ADAM9: variants seen among roughly 807,000 people sequenced by gnomAD.
ADAM9 encodes ADAM metallopeptidase domain 9, also known as disintegrin and metalloproteinase domain-containing protein 9.
ADAM9 carries 54 observed loss-of-function variants against 108.1 expected under a neutral mutation model. The ratio of observed to expected loss-of-function variants is 0.50; its 90% CI spans 0.40 to 0.63. The LOEUF (loss-of-function observed/expected upper bound fraction) is 0.63. Ranked by LOEUF, ADAM9 falls within the 20% of genes least tolerant of loss-of-function variation. ADAM9 has a pLI of 0.00. For synonymous variants in ADAM9, 316 were observed against 336.0 expected, an observed-to-expected ratio of 0.94 and a Z score of 0.65; for missense variants, 830 against 997.7, an observed-to-expected ratio of 0.83 and a Z score of 2.26.
intron 17 of ADAM9, 37 bp downstream of exon 17, chr8:39,082,758 A>G: frequency 6.4e-7 from 1 of 1,557,342 alleles, no homozygotes; most frequent in Non-Finnish European, 8.9e-7. Flanking sequence ...TCCTGAAAGT[A>G]GTGCTAAATA....
At chr8:39,020,155 G>A (rs1419029272) in intron 7 of ADAM9, among the ~76,000 whole-genome samples, 2 of 152,128 alleles carry the variant, frequency 1.3e-5, no homozygotes, top group Non-Finnish European at 2.9e-5. Flanking sequence ...CGTGGTGGCG[G>A]GCGCCTGTGA....
Position 39,023,408 on chromosome 8 carries a change from C to T in ADAM9, c.914+83C>T, listed in dbSNP as rs1373611026. The T allele has an allele frequency of 4.3e-6, 6 of 1,400,404 alleles. No individual in the cohort carries two copies. In the African/African-American group the frequency reaches 4.4e-5, roughly 10 times the overall value. 86.7% of individuals were successfully genotyped at this position (1,400,404 alleles called of 1,614,324 possible). A position where few individuals can be genotyped will look rare whatever the true frequency, so the allele number is the denominator to read the frequency against. On this transcript the variant is annotated intron_variant, in intron 9 of 21. Coordinates refer to ENST00000487273, the MANE Select transcript of ADAM9 (RefSeq NM_003816.3). ...TATTTTCTTGTATTAGAATTATATTCTCTTGAGGTTTTGGGGTATTCATTT... is the reference window on the plus strand; with the variant it reads ...TATTTTCTTGTATTAGAATTATATTTTCTTGAGGTTTTGGGGTATTCATTT...
chr8:39,088,816 A>G (rs1839256979), intron 18 of ADAM9, among the ~76,000 whole-genome samples: 1 of 152,222 alleles, frequency 6.6e-6, no homozygotes, highest in South Asian at 2.1e-4. Flanking sequence ...AAATGGGGAA[A>G]ATATTTCCAA....
Position 39,007,945 on chromosome 8 carries a change from A to G in ADAM9, c.157A>G (p.Arg53Gly). 6.2e-7 allele frequency: 1 copy of G among 1,610,658 alleles called. No individual in the cohort carries two copies. Among genetic ancestry groups the G allele is most frequent in the Non-Finnish European group, 8.5e-7 (1 of 1,177,728 alleles). ...YEIITPWRLT[R>G]ERREAPRPYS... ...AATTATAACTCCTTGGAGATTAACT[A>G]GAGAAAGAAGAGAAGCCCCTAGGCC... is the stretch of plus-strand genomic sequence containing the variant. The change falls in exon 2 of 22, where the codon AGA (arginine) becomes GGA (glycine). Residue 53 changes from arginine (R) to glycine (G), a missense_variant. Transcript: ENST00000487273.
In ADAM9 at chr8:39,019,048, GT is replaced by G. The variant is rs968079296; in HGVS notation, c.672+137del. On this transcript the variant is annotated intron_variant, in intron 7 of 21. Transcript: ENST00000487273. ...AAATAATGATTTTAAAACTAAAATG[GT>G]TTTTTTCCCTTAAACTTTATACCAC... 5 of 951,352 alleles carry G rather than the reference GT, an allele frequency of 5.3e-6. No individual in the cohort carries two copies. In the Admixed American group the frequency reaches 8.4e-5, roughly 16 times the overall value. 58.9% of individuals were successfully genotyped at this position (951,352 alleles called of 1,614,324 possible).
Position 39,099,951 on chromosome 8 carries a change from C to T in ADAM9, c.2299-1912C>T, listed in dbSNP as rs374890207. Among the ~76,000 whole-genome samples the T allele has an allele frequency of 1.2e-4, 17 of 139,302 alleles. No homozygotes were observed. In the East Asian group the frequency reaches 3.5e-3, roughly 29 times the overall value. 91.4% of individuals were successfully genotyped at this position (139,302 alleles called of 152,430 possible). On this transcript the variant is annotated intron_variant, in intron 20 of 21. Transcript: ENST00000487273. ...CTGGAGTGCAGTGGCATGATCTCGG[C>T]TCATTGCAACCACTGCCTCTCGGGT...
intron 20 of ADAM9, among the ~76,000 whole-genome samples, chr8:39,095,593 T>C (rs1839478209): frequency 6.6e-6 from 1 of 152,188 alleles, no homozygotes; most frequent in African/African-American, 2.4e-5. Context: ...TTGAGAAGAA[T>C]GTGTATTCTG....
intron 18 of ADAM9, among the ~76,000 whole-genome samples, chr8:39,083,690 A>G (rs1262845868): frequency 1.3e-5 from 2 of 152,108 alleles, no homozygotes; most frequent in African/African-American, 2.4e-5. Context: ...ATTTCCTTCT[A>G]TTGCTTTTCT....
intron 11 of ADAM9, among the ~76,000 whole-genome samples, chr8:39,033,953 A>G (rs972162687): frequency 3.9e-5 from 6 of 152,208 alleles, no homozygotes; most frequent in African/African-American, 1.4e-4. Context: ...GATCACATGT[A>G]TCCTGAGAAT....
intron 14 of ADAM9, among the ~76,000 whole-genome samples, chr8:39,060,666 T>C (rs1044285572): frequency 6.6e-6 from 1 of 152,250 alleles, no homozygotes; most frequent in Admixed American, 6.5e-5. Flanking sequence ...CGTGCAAATA[T>C]CTTGCCAGTG....
chr8:39,103,808 C>T lies in ADAM9; in HGVS notation c.*108C>T. The T allele has an allele frequency of 1.0e-6, 1 of 970,456 alleles. No individual in the cohort carries two copies. Among genetic ancestry groups the T allele is most frequent in the Non-Finnish European group, 1.6e-6 (1 of 617,598 alleles). The allele number at this position is 970,456 out of a possible 1,614,324, so 60.1% of individuals were successfully genotyped here. A position where few individuals can be genotyped will look rare whatever the true frequency, so the allele number is the denominator to read the frequency against. ...TTTCTGTTGCAACTATGAATGAAAA[C>T]AAAACACCACAAAACAGACTTCACT... On this transcript the variant is annotated 3_prime_UTR_variant, in exon 22 of 22. Transcript: ENST00000487273.
chr8:39,042,107 GTAC>G lies in ADAM9; in HGVS notation c.1294_1296del (p.Thr432del). On this transcript the variant is annotated inframe_deletion, in exon 12 of 22. Transcript: ENST00000487273. Reference sequence around the variant, plus strand: ...GACGCTGGGGAAGAGTGTGACTGTGGTACTCCAAAGGTCAGTTTAATTTTTGAC... The same window carrying G: ...GACGCTGGGGAAGAGTGTGACTGTGGTCCAAAGGTCAGTTTAATTTTTGAC... 1 of 1,613,986 alleles carries G rather than the reference GTAC, an allele frequency of 6.2e-7. No individual in the cohort carries two copies. The highest frequency in any genetic ancestry group is 1.1e-5 in the South Asian group (1 of 91,088).
At chr8:39,025,635 G>T (rs1836896590) in intron 9 of ADAM9, among the ~76,000 whole-genome samples, 168 bp from the exon 10 acceptor site, 1 of 151,742 alleles carries the variant, frequency 6.6e-6, no homozygotes, top group Non-Finnish European at 1.5e-5. Flanking sequence ...AAATTAATAA[G>T]AAGGAGATAA....
intron 11 of ADAM9, among the ~76,000 whole-genome samples, chr8:39,027,042 T>A (rs1836946098): frequency 6.6e-6 from 1 of 152,166 alleles, no homozygotes; most frequent in Non-Finnish European, 1.5e-5. Context: ...GTCTATTTTT[T>A]AATTAAATGA....
At chr8:39,021,127 A>G (rs1184728051) in intron 7 of ADAM9, among the ~76,000 whole-genome samples, 1 of 152,182 alleles carries the variant, frequency 6.6e-6, no homozygotes, top group Non-Finnish European at 1.5e-5. Context: ...TTTCATTATT[A>G]TTCACTTTAC....
In ADAM9 at chr8:39,025,211, C is replaced by T. The variant is rs370828173; in HGVS notation, c.915-592C>T. ...GTTCAAATGATTCTTCTGCCTCAGCCTCCCGAGTTGCTAGGATTACAGATG... is the reference window on the plus strand; with the variant it reads ...GTTCAAATGATTCTTCTGCCTCAGCTTCCCGAGTTGCTAGGATTACAGATG... On this transcript the variant is annotated intron_variant, in intron 9 of 21. Coordinates refer to ENST00000487273, the MANE Select transcript of ADAM9 (RefSeq NM_003816.3). Among the ~76,000 whole-genome samples the T allele has an allele frequency of 3.3e-5, 5 of 152,300 alleles. No individual in the cohort carries two copies. In the South Asian group the frequency reaches 1.0e-3, roughly 32 times the overall value.
chr8:39,007,959 A>G lies in ADAM9; in HGVS notation c.171A>G (p.Glu57=), dbSNP rs765901001. 6.2e-6 allele frequency: 10 copies of G among 1,608,064 alleles called. No homozygotes were observed. The highest frequency in any genetic ancestry group is 8.5e-6 in the Non-Finnish European group (10 of 1,175,446). The change falls in exon 2 of 22, where the codon GAA becomes GAG. Residue 57 remains glutamate (E), a synonymous_variant. Transcript: ENST00000487273. ...GGAGATTAACTAGAGAAAGAAGAGA[A>G]GCCCCTAGGCCCTATTCAAAACAAG... ...TPWRLTRERR[E]APRPYSKQVS... is the part of the protein sequence containing the mutation.
At chr8:39,065,794 C>A (rs1360717546) in intron 14 of ADAM9, among the ~76,000 whole-genome samples, 1 of 151,160 alleles carries the variant, frequency 6.6e-6, no homozygotes, top group African/African-American at 2.4e-5. Context: ...GGTACATGTG[C>A]ACAACGTGCA....
At chr8:39,040,259 G>A (rs1837418487) in intron 11 of ADAM9, among the ~76,000 whole-genome samples, 1 of 152,098 alleles carries the variant, frequency 6.6e-6, no homozygotes, top group Non-Finnish European at 1.5e-5. Flanking sequence ...ATGTTGGCCA[G>A]GCTGGTCTGG....
Sources: gnomAD v4.1 joint callset for allele counts (sites outside exome capture counted in the v4.1 genomes callset) on GRCh38, gnomAD v4.1.1 for gene constraint, MANE v1.5 for transcripts, NCBI Gene and HGNC (gene_info 2026-07-23, HGNC 2026-07-21) for gene names.